Variants in NUP98 observed in about 807,000 individuals in gnomAD.
NUP98 encodes nucleoporin 98 and 96 precursor.
Under a neutral mutation model 191.9 loss-of-function variants are expected in NUP98, and 26 were observed. That is an observed-to-expected ratio of 0.14 (90% CI 0.10 to 0.19). NUP98 has a LOEUF of 0.19. Among genes scored for constraint, NUP98 ranks in the 10% least tolerant of loss-of-function variants. The pLI is 1.00. For synonymous variants in NUP98, 808 were observed against 778.4 expected (o/e 1.04, Z -0.63); for missense variants, 1,941 against 2,178.8 (o/e 0.89, Z 2.17).
chr11:3,714,599 T>C (rs191892692), intron 18 of NUP98, among the ~76,000 whole-genome samples: 2 of 152,202 alleles, frequency 1.3e-5, no homozygotes, highest in African/African-American at 4.8e-5. Context: ...CAAATACTAC[T>C]CTACTTTGTT....
chr11:3,721,007 T>TGTGTGTGTGTGTGTGA (rs911995906), intron 16 of NUP98, 182 bp from the exon 17 acceptor site: 2 of 431,284 alleles, frequency 4.6e-6, no homozygotes, highest in African/African-American at 4.2e-5. Flanking sequence ...TGTGTGTGTG[T>TGTGTGTGTGTGTGTGA]GAAAAGCTTC....
intron 10 of NUP98, 22 bp downstream of exon 10, chr11:3,760,517 A>G (rs769329831): frequency 1.2e-6 from 2 of 1,614,122 alleles, no homozygotes; most frequent in Non-Finnish European, 1.7e-6. Flanking sequence ...ATTGGTTCCT[A>G]AAGTCAGGGT....
At chr11:3,705,996 C>CAAAA (rs66628165) in intron 21 of NUP98, among the ~76,000 whole-genome samples, 4 of 99,440 alleles carry the variant, frequency 4.0e-5, no homozygotes, top group Non-Finnish European at 2.1e-5. Context: ...ACTAAAAATA[C>CAAAA]AAAAAAAAAA....
chr11:3,691,973 C>T (rs920024706), intron 27 of NUP98, among the ~76,000 whole-genome samples: 22 of 152,042 alleles, frequency 1.4e-4, no homozygotes, highest in Admixed American at 1.3e-3. Context: ...ACTGCTTGAG[C>T]CAAGTAGTTC....
At chr11:3,779,379 C>T (rs537769135) in intron 2 of NUP98, 122 bp from the exon 3 acceptor site, 140 of 839,830 alleles carry the variant, frequency 1.7e-4, no homozygotes, top group African/African-American at 3.5e-4. Flanking sequence ...TGGTGGCTCA[C>T]GCCTGTAATC....
chr11:3,695,355 A>T, intron 26 of NUP98, 94 bp downstream of exon 26: 1 of 1,186,126 alleles, frequency 8.4e-7, no homozygotes, highest in Non-Finnish European at 1.1e-6. Flanking sequence ...GTAACTGTGC[A>T]CAATTTACAA....
At chr11:3,771,577 TA>T (rs1207774490) in intron 7 of NUP98, among the ~76,000 whole-genome samples, 170 bp downstream of exon 7, 1 of 152,218 alleles carries the variant, frequency 6.6e-6, no homozygotes, top group Non-Finnish European at 1.5e-5. Flanking sequence ...GTCTTCATCT[TA>T]AACTGTCTTT....
intron 11 of NUP98, among the ~76,000 whole-genome samples, chr11:3,752,382 T>A (rs1305594843): frequency 4.0e-5 from 6 of 151,508 alleles, no homozygotes; most frequent in Admixed American, 4.0e-4. Context: ...CCAAGGATGG[T>A]GATACACACC....
Position 3,683,846 on chromosome 11 carries a change from G to A in NUP98, c.4677-405C>T, listed in dbSNP as rs2078054803. On this transcript the variant is annotated intron_variant, in intron 29 of 32. Coordinates refer to ENST00000324932, the MANE Select transcript of NUP98 (RefSeq NM_016320.5). ...AGCCACCACACCTGGCCTAAACTAT[G>A]GGTCTTGATCACTTTAAGCTTCACT... 2.0e-5 allele frequency among the ~76,000 whole-genome samples: 3 copies of A among 151,934 alleles called. No homozygotes were observed. In the South Asian group the frequency reaches 6.2e-4, roughly 32 times the overall value.
rs1468391114 is a variant in NUP98 at position 3,705,263 on chromosome 11, G to C, written c.3019C>G (p.Gln1007Glu). 1.9e-5 allele frequency: 31 copies of C among 1,614,038 alleles called. No homozygotes were observed. The highest frequency in any genetic ancestry group is 2.6e-5 in the Non-Finnish European group (31 of 1,180,014). ...SRLPSKADTS[Q>E]EICSPRLPIS... is the part of the protein sequence containing the mutation. The stretch of plus-strand genomic sequence containing the variant: ...GGGAGTCTGGGAGAACAGATTTCTT[G>C]AGAAGTATCTGCTTTGGAAGGCAGG... The change falls in exon 22 of 33, where the codon CAA becomes GAA. Residue 1007 changes from glutamine (Q) to glutamate (E), a missense_variant. Physicochemically the swap from Gln to Glu is conservative, Grantham distance 29. Around this residue, in one of 6 missense-constraint regions of NUP98, gnomAD observed 1,030 missense variants for 1,115.8 expected, o/e 0.92. Coordinates refer to ENST00000324932, the MANE Select transcript of NUP98 (RefSeq NM_016320.5).
At chr11:3,761,688 G>GTTGAA (rs2081175029) in intron 9 of NUP98, among the ~76,000 whole-genome samples, 4 of 152,186 alleles carry the variant, frequency 2.6e-5, no homozygotes, top group Non-Finnish European at 5.9e-5. Flanking sequence ...AACCCGGGAG[G>GTTGAA]CAGAGGTTGC....
At chr11:3,748,981 G>A (rs1234342396) in intron 11 of NUP98, among the ~76,000 whole-genome samples, 6 of 151,584 alleles carry the variant, frequency 4.0e-5, no homozygotes, top group East Asian at 1.9e-4. Context: ...ACCAAAAAGA[G>A]TTAATATCCA....
At chr11:3,695,163 A>C (rs1470953494) in intron 26 of NUP98, among the ~76,000 whole-genome samples, 1 of 152,200 alleles carries the variant, frequency 6.6e-6, no homozygotes, top group East Asian at 1.9e-4. Context: ...ACCCTATCTC[A>C]AAAAAATTAA....
chr11:3,782,569 C>CTT (rs1564925818), intron 1 of NUP98, among the ~76,000 whole-genome samples: 18 of 121,990 alleles, frequency 1.5e-4, no homozygotes, highest in East Asian at 2.3e-4. Context: ...AAAAAGCTAA[C>CTT]ATTTTTTTTT....
In NUP98 at chr11:3,779,338, T is replaced by C. The variant is rs2081869144; in HGVS notation, c.77-81A>G. On this transcript the variant is annotated intron_variant, in intron 2 of 32. Transcript: ENST00000324932. ...GACCAAATGAAAAGGCATTTTAATA[T>C]TTCTTAAAATTCTGCATTTGAGGCT... 8.5e-6 allele frequency: 10 copies of C among 1,175,432 alleles called. No individual in the cohort carries two copies. In the South Asian group the frequency reaches 1.2e-4, roughly 14 times the overall value. 72.8% of individuals were successfully genotyped at this position (1,175,432 alleles called of 1,614,324 possible). A position where few individuals can be genotyped will look rare whatever the true frequency, so the allele number is the denominator to read the frequency against.
chr11:3,756,916 T>A (rs772141543), intron 10 of NUP98, among the ~76,000 whole-genome samples: 81 of 150,828 alleles, frequency 5.4e-4, no homozygotes, highest in Non-Finnish European at 9.6e-4. Flanking sequence ...TGAAACCCCG[T>A]CTCTATTAAG....
chr11:3,749,334 A>T (rs897602993), intron 11 of NUP98, among the ~76,000 whole-genome samples: 3 of 151,132 alleles, frequency 2.0e-5, no homozygotes, highest in Admixed American at 6.6e-5. Flanking sequence ...ATAAATAAAT[A>T]AATTAAGAGG....
chr11:3,691,311 G>A, intron 28 of NUP98, 36 bp downstream of exon 28: 2 of 1,613,164 alleles, frequency 1.2e-6, no homozygotes, highest in South Asian at 1.1e-5. Context: ...GGCTCATGGA[G>A]CACTCAAGTG....
At chr11:3,704,113 G>T (rs2078790302) in intron 22 of NUP98, among the ~76,000 whole-genome samples, 1 of 152,152 alleles carries the variant, frequency 6.6e-6, no homozygotes, top group African/African-American at 2.4e-5. Context: ...AGGTTATTAA[G>T]AATGTTTAAC....
Sources: gnomAD v4.1 joint callset for allele counts (sites outside exome capture counted in the v4.1 genomes callset) on GRCh38, gnomAD v4.1.1 for gene constraint, gnomAD v4.1.1 regional missense constraint, MANE v1.5 for transcripts, NCBI Gene and HGNC (gene_info 2026-07-23, HGNC 2026-07-21) for gene names.